Variants in PAOX observed in about 807,000 individuals in gnomAD.
PAOX encodes peroxisomal N(1)-acetyl-spermine/spermidine oxidase.
A neutral mutation model predicts 39.0 loss-of-function variants in PAOX; 38 were observed. That is an observed-to-expected ratio of 0.97 (90% CI 0.75 to 1.28). The LOEUF is 1.28. PAOX is among the 50% of genes most tolerant of loss of function. PAOX has a pLI of 0.00. For synonymous variants in PAOX, 311 were observed against 314.4 expected, an observed-to-expected ratio of 0.99 and a Z score of 0.11; for missense variants, 667 against 685.7, an observed-to-expected ratio of 0.97 and a Z score of 0.30.
intron 6 of PAOX, among the ~76,000 whole-genome samples, chr10:133,390,379 C>A (rs1417057597): frequency 6.6e-6 from 1 of 151,282 alleles, no homozygotes; most frequent in Non-Finnish European, 1.5e-5. Flanking sequence ...GAGTTCGAGA[C>A]CAGCCTGGGC....
intron 6 of PAOX, chr10:133,390,826 T>TCCCCCCC: frequency 3.1e-6 from 1 of 318,546 alleles, no homozygotes; most frequent in East Asian, 8.6e-5. Context: ...CCCAGATCCC[T>TCCCCCCC]CCCCCACCCT....
intron 5 of PAOX, 73 bp from the exon 6 acceptor site, chr10:133,389,517 T>TA: frequency 6.3e-7 from 1 of 1,598,034 alleles, no homozygotes; most frequent in Non-Finnish European, 8.6e-7. Context: ...GCTCAATCTT[T>TA]AAAAATGACA....
intron 6 of PAOX, chr10:133,390,821 A>AT: frequency 2.4e-5 from 13 of 543,148 alleles, no homozygotes; most frequent in South Asian, 7.9e-5. Context: ...CGACTCCCAG[A>AT]TCCCTCCCCC....
rs1246171910 is a variant in PAOX, at chr10:133,381,499, G to C, written c.708G>C (p.Leu236=). 4.3e-6 allele frequency: 7 copies of C among 1,613,746 alleles called. No homozygotes were observed. The highest frequency in any genetic ancestry group is 5.9e-6 in the Non-Finnish European group (7 of 1,180,026). Residue 236 remains leucine (L), a synonymous_variant, in exon 3 of 7, where the codon CTG becomes CTC. Transcript: ENST00000278060. ...TCACAAACTGCATGATGGCCGCCCT[G>C]CCGGAGGACACTGTAGTTTTTGAGA... ...QGLTNCMMAA[L]PEDTVVFEKP... is the part of the protein sequence containing the mutation.
rs142698832 is a variant in PAOX, at chr10:133,386,498, G to A, written c.1121+2286G>A. 1.5e-3 allele frequency among the ~76,000 whole-genome samples: 222 copies of A among 152,120 alleles called. 4 individuals carry two copies. The East Asian group carries it at 0.041, about 28-fold the overall frequency. On this transcript the variant is annotated intron_variant, in intron 4 of 6. Transcript: ENST00000278060. ...GTGATATTTGTTTATTTATGAGATGGAGTTTTGCTTTTGTCGCCCAGGCTG... is the reference window on the plus strand; with the variant it reads ...GTGATATTTGTTTATTTATGAGATGAAGTTTTGCTTTTGTCGCCCAGGCTG...
At position 133,379,379 on chromosome 10, in the gene PAOX, C is replaced by T. The variant is rs1328689625; in HGVS notation, c.63C>T (p.Gly21=). Reference sequence around the variant, plus strand: ...GACCCCGGGTGCTGGTGGTGGGCGGCGGCATCGCGGGGCTGGGCGCGGCGC... The same window carrying T: ...GACCCCGGGTGCTGGTGGTGGGCGGTGGCATCGCGGGGCTGGGCGCGGCGC... The part of the protein sequence containing the change: ...PGGPRVLVVG[G]GIAGLGAAQR... The change falls in exon 1 of 7, where the codon GGC becomes GGT. Residue 21 remains glycine (G), a synonymous_variant. Transcript: ENST00000278060. 13 of 1,220,244 alleles carry T rather than the reference C, an allele frequency of 1.1e-5. No individual in the cohort carries two copies. In the South Asian group the frequency reaches 3.3e-4, roughly 31 times the overall value. 75.6% of individuals were successfully genotyped at this position (1,220,244 alleles called of 1,614,324 possible).
intron 2 of PAOX, among the ~76,000 whole-genome samples, chr10:133,381,101 C>A (rs1849357551): frequency 6.6e-6 from 1 of 152,254 alleles, no homozygotes; most frequent in South Asian, 2.1e-4. Flanking sequence ...GTACCAGGTG[C>A]AGATGAGACC....
chr10:133,385,665 G>C (rs576112787), intron 4 of PAOX, among the ~76,000 whole-genome samples: 2 of 152,076 alleles, frequency 1.3e-5, no homozygotes, highest in African/African-American at 4.8e-5. Flanking sequence ...CTCACTGCAA[G>C]CCCCACCTCC....
At chr10:133,391,170 C>T in intron 6 of PAOX, 142 bp from the exon 7 acceptor site, 2 of 817,930 alleles carry the variant, frequency 2.4e-6, no homozygotes, top group Non-Finnish European at 4.1e-6. Flanking sequence ...TACACGTGAG[C>T]CCTTTTCTCG....
In PAOX at chr10:133,380,490, G is replaced by A. The variant is rs760799957; in HGVS notation, c.668+5G>A. 1.3e-6 allele frequency: 2 copies of A among 1,585,116 alleles called. No homozygotes were observed. Among genetic ancestry groups the A allele is most frequent in the African/African-American group, 1.3e-5 (1 of 74,732 alleles). On this transcript the variant is annotated splice_donor_5th_base_variant and intron_variant, in intron 2 of 6. Coordinates refer to ENST00000278060, the MANE Select transcript of PAOX (RefSeq NM_152911.4). Reference sequence around the variant, plus strand: ...GCTGGACTGCACCTTTTCTAAGTGCGTGCCTGAGCCCCTGCCCCGCCAGTC... The same window carrying A: ...GCTGGACTGCACCTTTTCTAAGTGCATGCCTGAGCCCCTGCCCCGCCAGTC...
chr10:133,379,769 C>A, intron 1 of PAOX: 1 of 556,498 alleles, frequency 1.8e-6, no homozygotes. Flanking sequence ...GGGGTACGCC[C>A]ACCCTGCGCC....
Position 133,389,743 on chromosome 10 carries a change from C to T in PAOX, c.1388C>T (p.Ala463Val), listed in dbSNP as rs1253220995. The T allele has an allele frequency of 3.9e-6, 6 of 1,538,686 alleles. No individual in the cohort carries two copies. The highest frequency in any genetic ancestry group is 2.8e-5 in the African/African-American group (2 of 72,000). ...AQPLPADGAG[A>V]QLQILFAGEA... ...CCCCTCCCTGCAGACGGCGCCGGCG[C>T]CCAGGTATGTGGCGTGCCCCAGTCG... The change falls in exon 6 of 7, where the codon GCC (alanine) becomes GTC (valine). Residue 463 changes from alanine to valine, a missense_variant. Transcript: ENST00000278060.
At chr10:133,382,738 T>C (rs557432417) in intron 3 of PAOX, 3 of 150,532 alleles carry the variant, frequency 2.0e-5, no homozygotes, top group South Asian at 2.1e-4. Flanking sequence ...GCCGAGATGG[T>C]GTCATTGCAC....
chr10:133,389,963 CAAAAG>C (rs946525649), intron 6 of PAOX, among the ~76,000 whole-genome samples: 4 of 152,318 alleles, frequency 2.6e-5, no homozygotes, highest in African/African-American at 7.2e-5. Context: ...GCAGTGCTAA[CAAAAG>C]AAAATAAAAC....
chr10:133,380,275 C>A lies in PAOX; in HGVS notation c.458C>A (p.Pro153His), dbSNP rs1239397963. 6.2e-7 allele frequency: 1 copy of A among 1,612,882 alleles called. No individual in the cohort carries two copies. The highest frequency in any genetic ancestry group is 2.2e-5 in the East Asian group (1 of 44,886). ...EFLHAAETPVPSVGEYLKKEI... is the reference protein window; with the variant it reads ...EFLHAAETPVHSVGEYLKKEI... ...CTGCACGCTGCAGAGACCCCGGTGC[C>A]CAGCGTCGGGGAGTACCTCAAGAAG... Residue 153 changes from proline (P) to histidine (H), a missense_variant, in exon 2 of 7, where the codon CCC becomes CAC. By Grantham distance (77) the Pro-to-His change is moderately conservative (BLOSUM62 -2). Transcript: ENST00000278060.
In PAOX at chr10:133,389,707, T is replaced by C. The variant is rs1849623209; in HGVS notation, c.1352T>C (p.Leu451Pro). Residue 451 changes from leucine to proline, a missense_variant, in exon 6 of 7, where the codon CTG (leucine) becomes CCG (proline). Physicochemically the swap from Leu to Pro is moderately conservative, Grantham distance 98. Transcript: ENST00000278060. ...AVGSTGGDLD[L>P]LAQPLPADGA... is the part of the protein sequence containing the mutation. Reference sequence around the variant, plus strand: ...GGCAGTACTGGGGGCGACCTGGACCTGCTGGCTCAGCCCCTCCCTGCAGAC... The same window carrying C: ...GGCAGTACTGGGGGCGACCTGGACCCGCTGGCTCAGCCCCTCCCTGCAGAC... 2 of 1,590,668 alleles carry C rather than the reference T, an allele frequency of 1.3e-6. No individual in the cohort carries two copies. The highest frequency in any genetic ancestry group is 1.7e-5 in the Admixed American group (1 of 57,660).
In PAOX at chr10:133,391,106, GT is replaced by G. The variant is rs1849668048; in HGVS notation, c.1393-202del. ...GGCTGTTGATGGATACATGTGAGCT[GT>G]TTTCCTGCCCGTTGGTGGATGTGTG... On this transcript the variant is annotated intron_variant, in intron 6 of 6. Coordinates refer to ENST00000278060, the MANE Select transcript of PAOX (RefSeq NM_152911.4). The G allele has an allele frequency of 7.1e-6, 5 of 700,728 alleles. No homozygotes were observed. In the East Asian group the frequency reaches 1.3e-4, roughly 19 times the overall value. The allele number at this position is 700,728 out of a possible 1,614,324, so 43.4% of individuals were successfully genotyped here.
intron 4 of PAOX, among the ~76,000 whole-genome samples, chr10:133,385,485 G>A (rs1333641207): frequency 3.9e-5 from 6 of 152,024 alleles, no homozygotes; most frequent in Admixed American, 2.6e-4. Context: ...GCACGGGGTG[G>A]TAGCTGTCCC....
chr10:133,387,162 C>T (rs760097617), intron 4 of PAOX, among the ~76,000 whole-genome samples: 8 of 152,018 alleles, frequency 5.3e-5, no homozygotes, highest in Non-Finnish European at 1.2e-4. Flanking sequence ...TGCCTGTGGT[C>T]CCAGCTACTG....
Sources: gnomAD v4.1 joint callset for allele counts (sites outside exome capture counted in the v4.1 genomes callset) on GRCh38, gnomAD v4.1.1 for gene constraint, MANE v1.5 for transcripts, NCBI Gene and HGNC (gene_info 2026-07-23, HGNC 2026-07-21) for gene names.